The following EYA4 variants were observed in gnomAD, a reference collection of about 807,000 sequenced individuals.
EYA4 encodes protein phosphatase EYA4.
A neutral mutation model predicts 87.9 loss-of-function variants in EYA4; 31 were observed. The observed-to-expected ratio is 0.35, with a 90% CI of 0.27 to 0.48. EYA4 has a LOEUF of 0.48. EYA4 is among the 20% of genes least tolerant of loss of function. The probability of loss-of-function intolerance (pLI) is 0.99; values close to 1 mark genes in which losing one functional copy is unlikely to be tolerated. For synonymous variants in EYA4, 263 were observed against 270.6 expected (o/e 0.97, Z 0.28); for missense variants, 678 against 761.4 (o/e 0.89, Z 1.29).
At position 133,404,087 on chromosome 6, in the gene EYA4, T is replaced by G. The variant is rs576557675; in HGVS notation, c.83+21646T>G. ...CCTCAGCCTCCCAAAGTGCTAAGAT[T>G]ACAGGCGTGAGCCACTGTGCCCGGC... On this transcript the variant is annotated intron_variant, in intron 3 of 19. Transcript: ENST00000355286. Among the ~76,000 whole-genome samples, 14 of 152,310 alleles carry G rather than the reference T, an allele frequency of 9.2e-5. No homozygotes were observed. In the East Asian group the frequency reaches 1.5e-3, roughly 17 times the overall value.
At chr6:133,415,945 A>C (rs1158203828) in intron 3 of EYA4, among the ~76,000 whole-genome samples, 1 of 152,258 alleles carries the variant, frequency 6.6e-6, no homozygotes, top group Non-Finnish European at 1.5e-5. Context: ...CTCAATAAAC[A>C]CTTCCAGCAA....
intron 13 of EYA4, among the ~76,000 whole-genome samples, chr6:133,490,516 TA>T (rs1202648544): frequency 6.7e-6 from 1 of 149,984 alleles, no homozygotes; most frequent in East Asian, 2.0e-4. Flanking sequence ...AAATGAAAAC[TA>T]AAAAAGAGCT....
At chr6:133,308,281 G>T (rs1360161512) in intron 2 of EYA4, among the ~76,000 whole-genome samples, 1 of 152,136 alleles carries the variant, frequency 6.6e-6, no homozygotes, top group Non-Finnish European at 1.5e-5. Flanking sequence ...TTTTACAGAT[G>T]ATATAGCTAG....
chr6:133,271,941 A>G (rs1047119720), intron 1 of EYA4, among the ~76,000 whole-genome samples: 2 of 152,214 alleles, frequency 1.3e-5, no homozygotes, highest in East Asian at 3.9e-4. Context: ...GTCTATTCAC[A>G]TATCTTTTCC....
At chr6:133,467,223 CAG>C (rs1794930425) in intron 10 of EYA4, among the ~76,000 whole-genome samples, 3 of 152,100 alleles carry the variant, frequency 2.0e-5, no homozygotes, top group African/African-American at 7.2e-5. Context: ...AGTAGGCTAA[CAG>C]AGAGCTTCAG....
intron 2 of EYA4, among the ~76,000 whole-genome samples, chr6:133,338,974 A>G (rs1782584120): frequency 6.6e-6 from 1 of 152,086 alleles, no homozygotes; most frequent in African/African-American, 2.4e-5. Context: ...TCTTTTGTAA[A>G]TTGATTGTCA....
chr6:133,448,718 A>T (rs1793104424), intron 5 of EYA4, among the ~76,000 whole-genome samples: 1 of 152,192 alleles, frequency 6.6e-6, no homozygotes, highest in African/African-American at 2.4e-5. Flanking sequence ...TAAAACTAGA[A>T]ATTAATATTG....
chr6:133,323,906 G>A (rs1250463579), intron 2 of EYA4, among the ~76,000 whole-genome samples: 6 of 152,022 alleles, frequency 3.9e-5, no homozygotes, highest in Admixed American at 6.6e-5. Flanking sequence ...ATAAGAAGTG[G>A]CATGATGTAA....
intron 19 of EYA4, among the ~76,000 whole-genome samples, chr6:133,527,493 GAATT>G (rs1482713395): frequency 6.6e-6 from 1 of 152,194 alleles, no homozygotes; most frequent in Non-Finnish European, 1.5e-5. Context: ...GAAACAGGTA[GAATT>G]AATTTTAATA....
chr6:133,263,247 G>A (rs1775938878), intron 1 of EYA4, among the ~76,000 whole-genome samples: 1 of 152,198 alleles, frequency 6.6e-6, no homozygotes, highest in Non-Finnish European at 1.5e-5. Context: ...ATATAAAGAA[G>A]ATAATTGAAG....
chr6:133,270,266 A>G (rs979246877), intron 1 of EYA4, among the ~76,000 whole-genome samples: 2 of 152,196 alleles, frequency 1.3e-5, no homozygotes, highest in Admixed American at 6.5e-5. Flanking sequence ...ATTATACATC[A>G]TCTTCAAATA....
intron 2 of EYA4, among the ~76,000 whole-genome samples, chr6:133,305,463 C>G (rs1048272876): frequency 6.6e-6 from 1 of 152,142 alleles, no homozygotes; most frequent in African/African-American, 2.4e-5. Flanking sequence ...TAAATCACTT[C>G]ATATTTACCG....
intron 13 of EYA4, among the ~76,000 whole-genome samples, chr6:133,486,803 A>C (rs1796722892): frequency 6.6e-6 from 1 of 152,196 alleles, no homozygotes; most frequent in Non-Finnish European, 1.5e-5. Context: ...GAATAGTACA[A>C]GGTAAAGGGA....
At chr6:133,388,208 A>G (rs1020058774) in intron 3 of EYA4, among the ~76,000 whole-genome samples, 88 of 151,712 alleles carry the variant, frequency 5.8e-4, no homozygotes, top group African/African-American at 2.1e-3. Context: ...GGAGTTCGAG[A>G]CCAGCCTGGC....
chr6:133,405,752 G>C (rs1788646394), intron 3 of EYA4, among the ~76,000 whole-genome samples: 1 of 152,066 alleles, frequency 6.6e-6, no homozygotes, highest in African/African-American at 2.4e-5. Context: ...AAGTGCAATG[G>C]AGAAAAAGCA....
At chr6:133,485,363 A>G (rs1796600971) in intron 13 of EYA4, among the ~76,000 whole-genome samples, 1 of 152,208 alleles carries the variant, frequency 6.6e-6, no homozygotes. Flanking sequence ...GAAACTAACC[A>G]TTATGGAAGG....
chr6:133,414,277 T>C (rs1583214465), intron 3 of EYA4, among the ~76,000 whole-genome samples: 1 of 152,320 alleles, frequency 6.6e-6, no homozygotes, highest in Admixed American at 6.5e-5. Flanking sequence ...CATTTCTTTG[T>C]CTAGCTTCTG....
chr6:133,359,922 C>T (rs1583056140), intron 2 of EYA4, among the ~76,000 whole-genome samples: 2 of 152,258 alleles, frequency 1.3e-5, no homozygotes, highest in East Asian at 3.9e-4. Flanking sequence ...CCAAGCTGAA[C>T]TTAACAAATG....
intron 13 of EYA4, chr6:133,502,775 T>A (rs1392573742): frequency 6.6e-6 from 1 of 151,718 alleles, no homozygotes; most frequent in African/African-American, 2.4e-5. Flanking sequence ...CAGGCATGGT[T>A]TTCCTTGGCT....
Sources: allele counts gnomAD v4.1 joint callset (sites outside exome capture counted in the v4.1 genomes callset), GRCh38; gene constraint gnomAD v4.1.1; transcripts MANE v1.5; gene names NCBI Gene and HGNC (gene_info 2026-07-23, HGNC 2026-07-21).